The following UVRAG variants were observed in gnomAD, a reference collection of about 807,000 sequenced individuals.
UVRAG encodes the protein UV radiation resistance associated, also known as UV radiation resistance-associated gene protein.
A neutral mutation model predicts 78.0 loss-of-function variants in UVRAG; 19 were observed. The observed-to-expected ratio is 0.24, with a 90% CI of 0.17 to 0.36. The LOEUF (loss-of-function observed/expected upper bound fraction) is 0.36, where lower values mean the gene tolerates loss of function less well. Among genes scored for constraint, UVRAG ranks in the 10% least tolerant of loss-of-function variants. The pLI is 1.00. For missense variants in UVRAG, 740 were observed against 853.8 expected, an observed-to-expected ratio of 0.87 and a Z score of 1.66; for synonymous variants, 323 against 324.6, an observed-to-expected ratio of 1.00 and a Z score of 0.05.
chr11:76,048,747 T>G lies in UVRAG; in HGVS notation c.1227-16963T>G, dbSNP rs184467441. Reference sequence around the variant, plus strand: ...TAGAAAACTGACTTTAGCTAACTTATGTGTGTAATTTTGAGCATTGACATC... The same window carrying G: ...TAGAAAACTGACTTTAGCTAACTTAGGTGTGTAATTTTGAGCATTGACATC... On this transcript the variant is annotated intron_variant, in intron 12 of 14. Transcript: ENST00000356136. Among the ~76,000 whole-genome samples the G allele has an allele frequency of 9.5e-4, 145 of 152,342 alleles. 1 individual carries two copies. Among genetic ancestry groups the G allele is most frequent in the African/African-American group, 3.2e-3 (134 of 41,590 alleles).
rs116377598 is a variant in UVRAG at position 75,930,315 on chromosome 11, T to C, written c.593+18276T>C. On this transcript the variant is annotated intron_variant, in intron 6 of 14. Coordinates refer to ENST00000356136, the MANE Select transcript of UVRAG (RefSeq NM_003369.4). ...TATGCTTAATGAAAGTCTTTTATAC[T>C]TTTTTTAAGATCTTACCACAATTCC... is the stretch of plus-strand genomic sequence containing the variant. 5.0e-3 allele frequency among the ~76,000 whole-genome samples: 761 copies of C among 152,332 alleles called. 7 individuals carry two copies. Among genetic ancestry groups the C allele is most frequent in the African/African-American group, 0.017 (717 of 41,568 alleles).
In UVRAG at chr11:76,065,737, G is replaced by A. The variant is rs1469278122; in HGVS notation, c.1254G>A (p.Glu418=). 2 of 1,613,938 alleles carry A rather than the reference G, an allele frequency of 1.2e-6. No individual in the cohort carries two copies. Among genetic ancestry groups the A allele is most frequent in the South Asian group, 2.2e-5 (2 of 91,066 alleles). ...REFPLYPKGG[E]KLQFDYGVYL... ...TTCCACTGTATCCAAAAGGAGGGGA[G>A]AAGTTGCAGTTTGATTATGGTGTCT... The change falls in exon 13 of 15, where the codon GAG becomes GAA. Residue 418 remains glutamate, a synonymous_variant. Transcript: ENST00000356136.
intron 3 of UVRAG, among the ~76,000 whole-genome samples, chr11:75,875,836 G>C (rs1017827313): frequency 6.6e-6 from 1 of 151,958 alleles, no homozygotes; most frequent in African/African-American, 2.4e-5. Context: ...GTCATGGATG[G>C]GACCTGGGCC....
intron 13 of UVRAG, among the ~76,000 whole-genome samples, chr11:76,100,961 A>C (rs1419139120): frequency 1.3e-5 from 2 of 152,172 alleles, no homozygotes; most frequent in Non-Finnish European, 2.9e-5. Context: ...ATGGCGGCAT[A>C]ATATTCCATG....
intron 3 of UVRAG, among the ~76,000 whole-genome samples, chr11:75,878,715 G>T (rs890505297): frequency 6.6e-6 from 1 of 152,190 alleles, no homozygotes. Flanking sequence ...ATGAAAACCA[G>T]TCAGGCGTGG....
At chr11:76,057,733 C>G (rs553870652) in intron 12 of UVRAG, among the ~76,000 whole-genome samples, 1 of 151,578 alleles carries the variant, frequency 6.6e-6, no homozygotes, top group South Asian at 2.1e-4. Context: ...TTTTCCCCCT[C>G]TTTAGTCTTG....
At chr11:76,095,912 A>C (rs921487253) in intron 13 of UVRAG, among the ~76,000 whole-genome samples, 1 of 149,256 alleles carries the variant, frequency 6.7e-6, no homozygotes, top group Non-Finnish European at 1.5e-5. Flanking sequence ...GGGAGATGCC[A>C]CCTCTGCTTT....
intron 6 of UVRAG, among the ~76,000 whole-genome samples, chr11:75,951,816 G>A (rs1948708981): frequency 6.6e-6 from 1 of 151,918 alleles, no homozygotes. Context: ...ACATTTTCTT[G>A]GTGTTCTAGG....
chr11:75,979,263 G>A (rs1440922472), intron 7 of UVRAG, among the ~76,000 whole-genome samples: 5 of 152,336 alleles, frequency 3.3e-5, no homozygotes, highest in East Asian at 3.9e-4. Flanking sequence ...GCACCTGGCC[G>A]TATGAGGTGT....
intron 12 of UVRAG, among the ~76,000 whole-genome samples, chr11:76,052,691 TG>T (rs1950892721): frequency 6.6e-6 from 1 of 152,196 alleles, no homozygotes; most frequent in Admixed American, 6.5e-5. Flanking sequence ...TGAGCTTTTC[TG>T]GTGAGATACT....
intron 6 of UVRAG, among the ~76,000 whole-genome samples, chr11:75,940,460 G>A (rs1398895839): frequency 6.6e-6 from 1 of 152,076 alleles, no homozygotes; most frequent in Non-Finnish European, 1.5e-5. Flanking sequence ...CAGTTTGATT[G>A]CCTTGTAATT....
chr11:75,877,130 A>G (rs2134857397), intron 3 of UVRAG, among the ~76,000 whole-genome samples: 3 of 151,948 alleles, frequency 2.0e-5, no homozygotes, highest in Admixed American at 2.0e-4. Flanking sequence ...CCCTGAGTGG[A>G]CACAGCACAT....
chr11:76,039,983 C>T (rs1950612368), intron 12 of UVRAG, among the ~76,000 whole-genome samples: 1 of 152,114 alleles, frequency 6.6e-6, no homozygotes, highest in Non-Finnish European at 1.5e-5. Flanking sequence ...TAAATGGATG[C>T]ACACACATAT....
At position 75,868,853 on chromosome 11, in the gene UVRAG, A is replaced by G. The variant is rs992416879; in HGVS notation, c.270+7073A>G. On this transcript the variant is annotated intron_variant, in intron 3 of 14. Coordinates refer to ENST00000356136, the MANE Select transcript of UVRAG (RefSeq NM_003369.4). ...TTATTTTCCCAAAAACAAGTTTTAA[A>G]CTTTTATTAGAATATTAAAAATCTC... Among the ~76,000 whole-genome samples, 5 of 152,326 alleles carry G rather than the reference A, an allele frequency of 3.3e-5. No homozygotes were observed. In the East Asian group the frequency reaches 7.7e-4, roughly 23 times the overall value.
intron 6 of UVRAG, among the ~76,000 whole-genome samples, chr11:75,927,617 G>C (rs776892752): frequency 1.8e-4 from 27 of 152,174 alleles, no homozygotes; most frequent in Admixed American, 8.5e-4. Flanking sequence ...GAGGAGAATA[G>C]AGGTTGGTAG....
chr11:76,043,485 G>A (rs924903349), intron 12 of UVRAG, among the ~76,000 whole-genome samples: 1 of 152,040 alleles, frequency 6.6e-6, no homozygotes, highest in Non-Finnish European at 1.5e-5. Context: ...TTGATATATT[G>A]GTATGTGTCT....
At chr11:75,987,240 C>T (rs1344809321) in intron 8 of UVRAG, among the ~76,000 whole-genome samples, 1 of 152,210 alleles carries the variant, frequency 6.6e-6, no homozygotes, top group African/African-American at 2.4e-5. Flanking sequence ...GTTCCAATCT[C>T]CCCATTTTCT....
intron 6 of UVRAG, among the ~76,000 whole-genome samples, chr11:75,946,346 G>A (rs1287308832): frequency 1.3e-5 from 2 of 152,184 alleles, no homozygotes; most frequent in East Asian, 1.9e-4. Context: ...ATGTGATAAT[G>A]TGCTCAGTAA....
intron 9 of UVRAG, among the ~76,000 whole-genome samples, chr11:76,006,796 G>A (rs1057245106): frequency 1.3e-5 from 2 of 151,566 alleles, no homozygotes; most frequent in African/African-American, 4.9e-5. Flanking sequence ...GTAATTGTGA[G>A]TGAAATATAG....
Sources: allele counts gnomAD v4.1 joint callset (sites outside exome capture counted in the v4.1 genomes callset), GRCh38; gene constraint gnomAD v4.1.1; transcripts MANE v1.5; gene names NCBI Gene and HGNC (gene_info 2026-07-23, HGNC 2026-07-21).